HERC3: variants seen among roughly 807,000 people sequenced by gnomAD.
HERC3 encodes the protein HECT and RLD domain containing E3 ubiquitin protein ligase 3.
In HERC3, 58 loss-of-function variants were observed where a neutral mutation model predicts 129.9. The observed-to-expected ratio is 0.45, with a 90% confidence interval of 0.36 to 0.56. HERC3 has a LOEUF of 0.56. Among genes scored for constraint, HERC3 ranks in the 20% least tolerant of loss-of-function variants. HERC3 has a pLI of 0.00. For missense variants in HERC3, 835 were observed against 1,244.2 expected, an observed-to-expected ratio of 0.67 and a Z score of 4.95; for synonymous variants, 430 against 451.0, an observed-to-expected ratio of 0.95 and a Z score of 0.59.
chr4:88,646,038 T>C (rs932676340), intron 3 of HERC3, among the ~76,000 whole-genome samples: 2 of 152,180 alleles, frequency 1.3e-5, no homozygotes, highest in South Asian at 4.1e-4. Context: ...GGAAAGACAA[T>C]ATAGCTTAGT....
chr4:88,681,455 G>A (rs746227912), intron 21 of HERC3, 130 bp downstream of exon 21: 13 of 747,996 alleles, frequency 1.7e-5, no homozygotes, highest in Non-Finnish European at 2.8e-5. Context: ...TGTTATGTGT[G>A]TTTTGTCTAA....
At chr4:88,592,947 A>G (rs770262929) in intron 1 of HERC3, among the ~76,000 whole-genome samples, 4 of 152,096 alleles carry the variant, frequency 2.6e-5, no homozygotes, top group Non-Finnish European at 5.9e-5. Flanking sequence ...GCAGAAAGTC[A>G]AAAGGAGGAT....
chr4:88,686,706 A>C (rs749803622), intron 21 of HERC3, 30 bp from the exon 22 acceptor site: 29 of 1,504,324 alleles, frequency 1.9e-5, no homozygotes, highest in Non-Finnish European at 2.6e-5. Context: ...CTGACTTGCC[A>C]CTTTTCCTTT....
chr4:88,638,058 G>C (rs1349556648), intron 3 of HERC3, among the ~76,000 whole-genome samples: 2 of 152,180 alleles, frequency 1.3e-5, no homozygotes, highest in Admixed American at 1.3e-4. Flanking sequence ...TTGAATCCCT[G>C]AATAGAGCAG....
Position 88,649,874 on chromosome 4 carries a change from T to C in HERC3, c.261T>C (p.Ile87=). The change falls in exon 4 of 26, where the codon ATT becomes ATC. Residue 87 remains isoleucine (I), a synonymous_variant. Transcript: ENST00000402738. ...QIGALADQHI[I]HVACGESHSL... ...GAGCTCTGGCAGATCAGCATATCAT[T>C]CATGTGGCATGTGGCGAGTCCCACA... 6.2e-7 allele frequency: 1 copy of C among 1,614,064 alleles called. No homozygotes were observed.
chr4:88,536,715 A>T, the HERC3 span, among the ~76,000 whole-genome samples: 1 of 152,200 alleles, frequency 6.6e-6, no homozygotes, highest in Admixed American at 6.5e-5. Flanking sequence ...TTACACAGTT[A>T]CAGAATCTGC....
At chr4:88,528,638 C>G in the HERC3 span, among the ~76,000 whole-genome samples, 1 of 152,158 alleles carries the variant, frequency 6.6e-6, no homozygotes, top group Non-Finnish European at 1.5e-5. Context: ...CCCTGTTTCT[C>G]TTTGACGAAG....
intron 3 of HERC3, among the ~76,000 whole-genome samples, chr4:88,641,869 G>A (rs928989716): frequency 3.9e-5 from 6 of 152,100 alleles, no homozygotes; most frequent in Non-Finnish European, 7.4e-5. Context: ...TGTAATCCCA[G>A]CACTTTGGGA....
chr4:88,561,818 C>G, the HERC3 span, among the ~76,000 whole-genome samples: 3 of 152,050 alleles, frequency 2.0e-5, no homozygotes, highest in Admixed American at 6.6e-5. Flanking sequence ...CAAGTTCCAT[C>G]CATGCTGTTG....
chr4:88,666,460 C>T (rs924321771), intron 12 of HERC3, among the ~76,000 whole-genome samples: 4 of 152,088 alleles, frequency 2.6e-5, no homozygotes, highest in African/African-American at 7.2e-5. Flanking sequence ...ACAACAACAA[C>T]GAAAGACCCA....
At chr4:88,647,085 C>T (rs544556077) in intron 3 of HERC3, among the ~76,000 whole-genome samples, 8 of 152,132 alleles carry the variant, frequency 5.3e-5, no homozygotes, top group Admixed American at 1.3e-4. Flanking sequence ...AGCTCAGGTG[C>T]GGCTGGTGAG....
chr4:88,626,120 C>A (rs1726068731), intron 3 of HERC3, among the ~76,000 whole-genome samples: 1 of 152,154 alleles, frequency 6.6e-6, no homozygotes, highest in African/African-American at 2.4e-5. Context: ...TAGGGTAATG[C>A]TGGCCTCATG....
the HERC3 span, among the ~76,000 whole-genome samples, chr4:88,533,294 A>G: frequency 3.9e-5 from 6 of 152,120 alleles, no homozygotes; most frequent in Admixed American, 1.3e-4. Context: ...GCCCACCCAC[A>G]TTGAGGATGA....
At chr4:88,692,435 A>G (rs935038138) in intron 23 of HERC3, among the ~76,000 whole-genome samples, 1 of 152,130 alleles carries the variant, frequency 6.6e-6, no homozygotes, top group African/African-American at 2.4e-5. Context: ...AAGTGCTTCA[A>G]AGGGCATCTA....
At chr4:88,625,550 T>C (rs1726004126) in intron 3 of HERC3, among the ~76,000 whole-genome samples, 1 of 152,210 alleles carries the variant, frequency 6.6e-6, no homozygotes, top group Non-Finnish European at 1.5e-5. Context: ...AACTCTCTTA[T>C]TAGCTCTATT....
chr4:88,655,943 A>C lies in HERC3; in HGVS notation c.977A>C (p.Gln326Pro), dbSNP rs758300366. ...IYAFGCGARGQLGTGHTCNVK... is the reference protein window; with the variant it reads ...IYAFGCGARGPLGTGHTCNVK... ...GCATTTGGTTGTGGAGCAAGAGGTC[A>C]ATTAGGAACTGGGCACACTTGTAAT... The change falls in exon 9 of 26, where the codon CAA (glutamine) becomes CCA (proline). Residue 326 changes from glutamine (Q) to proline (P), a missense_variant. By Grantham distance (76) the Gln-to-Pro change is moderately conservative (BLOSUM62 -1). Transcript: ENST00000402738. The C allele has an allele frequency of 6.2e-7, 1 of 1,614,110 alleles. No individual in the cohort carries two copies.
the HERC3 span, among the ~76,000 whole-genome samples, chr4:88,574,740 T>A: frequency 6.6e-6 from 1 of 152,228 alleles, no homozygotes; most frequent in African/African-American, 2.4e-5. Context: ...TGTGGTAGCG[T>A]GTGTCTGATA....
chr4:88,601,421 A>T (rs1270483174), intron 2 of HERC3, among the ~76,000 whole-genome samples: 1 of 152,216 alleles, frequency 6.6e-6, no homozygotes, highest in Non-Finnish European at 1.5e-5. Flanking sequence ...GCATGCTTTT[A>T]TCTTGGGAGA....
At chr4:88,570,844 C>A in the HERC3 span, among the ~76,000 whole-genome samples, 1 of 152,006 alleles carries the variant, frequency 6.6e-6, no homozygotes, top group Admixed American at 6.6e-5. Flanking sequence ...AGCTCCGCCT[C>A]CCGGGTTCAC....
Sources: gnomAD v4.1 joint callset for allele counts (sites outside exome capture counted in the v4.1 genomes callset) on GRCh38, gnomAD v4.1.1 for gene constraint, MANE v1.5 for transcripts, NCBI Gene and HGNC (gene_info 2026-07-23, HGNC 2026-07-21) for gene names.